RAI14: variants seen among roughly 807,000 people sequenced by gnomAD.
RAI14 encodes retinoic acid induced 14, also known as ankycorbin.
RAI14 carries 45 observed loss-of-function variants against 115.4 expected under a neutral mutation model. The ratio of observed to expected loss-of-function variants is 0.39; its 90% CI spans 0.31 to 0.50. RAI14 has a LOEUF of 0.50. RAI14 is among the 20% of genes least tolerant of loss of function. The pLI, the probability that RAI14 is intolerant of heterozygous loss-of-function variation, is 0.85. For missense variants in RAI14, 939 were observed against 1,131.2 expected, an observed-to-expected ratio of 0.83 and a Z score of 2.44; for synonymous variants, 371 against 415.4, an observed-to-expected ratio of 0.89 and a Z score of 1.30.
intron 1 of RAI14, among the ~76,000 whole-genome samples, chr5:34,660,929 T>C (rs1742643963): frequency 1.3e-5 from 2 of 152,134 alleles, no homozygotes; most frequent in South Asian, 4.1e-4. Flanking sequence ...CTCTTAGACG[T>C]CTACATGGCT....
intron 1 of RAI14, among the ~76,000 whole-genome samples, chr5:34,665,987 A>G (rs1743178171): frequency 6.6e-6 from 1 of 152,250 alleles, no homozygotes; most frequent in South Asian, 2.1e-4. Context: ...ATGTAATAAA[A>G]TGCAATTTAT....
chr5:34,723,716 C>CTA lies in RAI14; in HGVS notation c.37-33752_37-33751insTA, dbSNP rs199666647. Among the ~76,000 whole-genome samples, 916 of 152,256 alleles carry CTA rather than the reference C, an allele frequency of 6.0e-3. 5 individuals carry two copies. The highest frequency in any genetic ancestry group is 0.021 in the African/African-American group (880 of 41,534). ...AGGAAAGCTAAATGTTAAATGTTAA[C>CTA]AATGTGTTTTTACATGTATAACATC... On this transcript the variant is annotated intron_variant, in intron 2 of 17. Coordinates refer to ENST00000265109, the MANE Select transcript of RAI14 (RefSeq NM_015577.3).
chr5:34,705,784 A>G (rs1363721981), intron 2 of RAI14, among the ~76,000 whole-genome samples: 1 of 152,088 alleles, frequency 6.6e-6, no homozygotes, highest in Non-Finnish European at 1.5e-5. Context: ...AGTAGCTGGG[A>G]TTACAGACAT....
chr5:34,756,195 G>T lies in RAI14; in HGVS notation c.37-1273G>T, dbSNP rs533548098. ...TGAGACATCTGATGGACAAAGACTT[G>T]TTGGGTTTCCTCATTTCCATCAGTA... is the stretch of plus-strand genomic sequence containing the variant. On this transcript the variant is annotated intron_variant, in intron 2 of 17. Transcript: ENST00000265109. Among the ~76,000 whole-genome samples, 3 of 152,310 alleles carry T rather than the reference G, an allele frequency of 2.0e-5. No homozygotes were observed. The South Asian group carries it at 6.2e-4, about 32-fold the overall frequency.
At chr5:34,717,241 G>A (rs1281050290) in intron 2 of RAI14, among the ~76,000 whole-genome samples, 1 of 152,008 alleles carries the variant, frequency 6.6e-6, no homozygotes, top group Non-Finnish European at 1.5e-5. Flanking sequence ...TTGAATTGTT[G>A]GCATGCTAAA....
chr5:34,756,760 G>A (rs1387064652), intron 2 of RAI14, among the ~76,000 whole-genome samples: 1 of 152,198 alleles, frequency 6.6e-6, no homozygotes, highest in African/African-American at 2.4e-5. Flanking sequence ...TCCCTCCTAA[G>A]TGTAGAAATC....
At chr5:34,669,274 G>A (rs929689358) in intron 1 of RAI14, among the ~76,000 whole-genome samples, 2 of 152,202 alleles carry the variant, frequency 1.3e-5, no homozygotes, top group Admixed American at 1.3e-4. Context: ...GGCACACGAT[G>A]CACTGATTTC....
chr5:34,671,706 T>A (rs2149856402), intron 1 of RAI14, among the ~76,000 whole-genome samples: 1 of 152,308 alleles, frequency 6.6e-6, no homozygotes, highest in East Asian at 1.9e-4. Flanking sequence ...ATTTCCAATA[T>A]GTAATCCATA....
intron 3 of RAI14, among the ~76,000 whole-genome samples, chr5:34,792,469 C>T (rs532053485): frequency 6.6e-6 from 1 of 152,156 alleles, no homozygotes; most frequent in East Asian, 1.9e-4. Flanking sequence ...CTCCTGACCT[C>T]GTGATCCGCC....
intron 2 of RAI14, among the ~76,000 whole-genome samples, chr5:34,725,772 C>T (rs1422758937): frequency 6.6e-6 from 1 of 151,592 alleles, no homozygotes; most frequent in Non-Finnish European, 1.5e-5. Flanking sequence ...TTGAGACCAG[C>T]CTGACCAACA....
intron 5 of RAI14, among the ~76,000 whole-genome samples, chr5:34,805,265 C>T (rs536518268): frequency 1.3e-5 from 2 of 152,300 alleles, no homozygotes; most frequent in South Asian, 4.1e-4. Flanking sequence ...CAGCTGTGTC[C>T]TCCTGTTGGG....
intron 2 of RAI14, among the ~76,000 whole-genome samples, chr5:34,692,264 T>TA (rs138346360): frequency 3.4e-5 from 5 of 148,568 alleles, no homozygotes; most frequent in Admixed American, 2.7e-4. Flanking sequence ...CTCCGTCTGT[T>TA]AAAAAAAAAA....
chr5:34,687,776 A>C (rs1419623577), intron 2 of RAI14: 4 of 1,529,470 alleles, frequency 2.6e-6, no homozygotes, highest in Non-Finnish European at 3.5e-6. Context: ...CGAGGTAATT[A>C]AAGATGAACC....
At chr5:34,818,609 G>A (rs979970848) in intron 12 of RAI14, among the ~76,000 whole-genome samples, 188 bp from the exon 13 acceptor site, 1 of 152,158 alleles carries the variant, frequency 6.6e-6, no homozygotes, top group Non-Finnish European at 1.5e-5. Flanking sequence ...ATTAAACTTA[G>A]TAGATAATTG....
chr5:34,807,471 G>T (rs1314815157), intron 5 of RAI14, among the ~76,000 whole-genome samples: 1 of 152,086 alleles, frequency 6.6e-6, no homozygotes, highest in Non-Finnish European at 1.5e-5. Context: ...TTTCGTGAAG[G>T]GGGACAGAAA....
At chr5:34,693,238 CA>C (rs2149902677) in intron 2 of RAI14, among the ~76,000 whole-genome samples, 1 of 152,310 alleles carries the variant, frequency 6.6e-6, no homozygotes, top group Admixed American at 6.5e-5. Flanking sequence ...GGACACAAGT[CA>C]ACCCTTAACA....
At chr5:34,760,026 G>C (rs933747668) in intron 3 of RAI14, among the ~76,000 whole-genome samples, 2 of 152,268 alleles carry the variant, frequency 1.3e-5, no homozygotes, top group Middle Eastern at 3.4e-3. Flanking sequence ...GTTGTTGTTT[G>C]AGATGGAGTC....
chr5:34,829,340 AC>A (rs1757793281), intron 16 of RAI14, among the ~76,000 whole-genome samples: 1 of 152,086 alleles, frequency 6.6e-6, no homozygotes, highest in Non-Finnish European at 1.5e-5. Context: ...GGTACTGACT[AC>A]TACGCCTGGC....
At chr5:34,677,370 G>A (rs1006706231) in intron 1 of RAI14, among the ~76,000 whole-genome samples, 1 of 151,868 alleles carries the variant, frequency 6.6e-6, no homozygotes, top group Admixed American at 6.6e-5. Context: ...TGCCATGTTG[G>A]CCAGGCTGGT....
Sources: allele counts gnomAD v4.1 joint callset (sites outside exome capture counted in the v4.1 genomes callset), GRCh38; gene constraint gnomAD v4.1.1; transcripts MANE v1.5; gene names NCBI Gene and HGNC (gene_info 2026-07-23, HGNC 2026-07-21).